The following DYNC2I2 variants were observed in gnomAD, a reference collection of about 807,000 sequenced individuals.
DYNC2I2 encodes the protein cytoplasmic dynein 2 intermediate chain 2.
In DYNC2I2, 39 loss-of-function variants were observed where a neutral mutation model predicts 52.0. The ratio of observed to expected loss-of-function variants is 0.75; its 90% CI spans 0.58 to 0.98. The LOEUF (loss-of-function observed/expected upper bound fraction) is 0.98. Ranked by LOEUF, DYNC2I2 falls within the 50% of genes least tolerant of loss-of-function variation. DYNC2I2 has a pLI of 0.00. For missense variants in DYNC2I2, 743 were observed against 728.4 expected, an observed-to-expected ratio of 1.02 and a Z score of -0.23; for synonymous variants, 359 against 321.1, an observed-to-expected ratio of 1.12 and a Z score of -1.26.
intron 1 of DYNC2I2, among the ~76,000 whole-genome samples, chr9:128,641,296 C>T (rs1000012576): frequency 6.6e-6 from 1 of 152,034 alleles, no homozygotes; most frequent in Admixed American, 6.6e-5. Flanking sequence ...AGAACCACAT[C>T]GGCTCACAGC....
In DYNC2I2 at chr9:128,640,798, C is replaced by CTGCG; in HGVS notation, c.324_327dup (p.Ala110ArgfsTer25). 6.2e-7 allele frequency: 1 copy of CTGCG among 1,614,216 alleles called. No individual in the cohort carries two copies. Among genetic ancestry groups the CTGCG allele is most frequent in the Non-Finnish European group, 8.5e-7 (1 of 1,180,042 alleles). On this transcript the variant is annotated frameshift_variant, in exon 2 of 9. Transcript: ENST00000372715. LOFTEE classifies it high-confidence loss of function. Reference sequence around the variant, plus strand: ...ATGGCCTCCACTCTCCGAAGAAAGGCTGCGAGCCTGGGTATGTCATACTGG... The same window carrying CTGCG: ...ATGGCCTCCACTCTCCGAAGAAAGGCTGCGTGCGAGCCTGGGTATGTCATACTGG...
chr9:128,650,013 T>A lies in DYNC2I2; in HGVS notation c.186+6528A>T, dbSNP rs1212417946. 3.2e-3 allele frequency among the ~76,000 whole-genome samples: 182 copies of A among 56,428 alleles called. 54 individuals carry two copies. The highest frequency in any genetic ancestry group is 5.6e-3 in the African/African-American group (160 of 28,512). The allele number at this position is 56,428 out of a possible 152,430, so 37.0% of individuals were successfully genotyped here. A position where few individuals can be genotyped will look rare whatever the true frequency, so the allele number is the denominator to read the frequency against. Reference sequence around the variant, plus strand: ...AAAATATAAATAAATAAATGAAAAATTTTTTAAAAAACTACTGGAAAGCAG... The same window carrying A: ...AAAATATAAATAAATAAATGAAAAAATTTTTAAAAAACTACTGGAAAGCAG... On this transcript the variant is annotated intron_variant, in intron 1 of 8. Transcript: ENST00000372715.
chr9:128,681,184 G>A, the DYNC2I2 span, among the ~76,000 whole-genome samples: 6 of 151,864 alleles, frequency 4.0e-5, no homozygotes, highest in East Asian at 1.9e-4. Context: ...TCAGCCTCCC[G>A]GGTTCAAGTG....
At chr9:128,679,790 T>G in the DYNC2I2 span, among the ~76,000 whole-genome samples, 9 of 151,696 alleles carry the variant, frequency 5.9e-5, no homozygotes, top group Admixed American at 5.9e-4. Context: ...AAGGCTGCAG[T>G]GAGCCATGAT....
chr9:128,653,680 C>T (rs1043561980), intron 1 of DYNC2I2, among the ~76,000 whole-genome samples: 4 of 150,370 alleles, frequency 2.7e-5, no homozygotes, highest in Non-Finnish European at 5.9e-5. Context: ...CACGCCATTG[C>T]ACTCCAGCCT....
intron 1 of DYNC2I2, among the ~76,000 whole-genome samples, chr9:128,645,896 AG>A (rs1206109354): frequency 1.2e-4 from 18 of 152,222 alleles, no homozygotes; most frequent in African/African-American, 4.3e-4. Flanking sequence ...TATTGCTGAT[AG>A]GGATAAAGTT....
At chr9:128,677,649 A>T in the DYNC2I2 span, among the ~76,000 whole-genome samples, 1 of 151,612 alleles carries the variant, frequency 6.6e-6, no homozygotes, top group African/African-American at 2.4e-5. Flanking sequence ...AAAAAAAAAA[A>T]TACAAAAATT....
chr9:128,676,885 A>G, the DYNC2I2 span, among the ~76,000 whole-genome samples: 2 of 138,454 alleles, frequency 1.4e-5, no homozygotes, highest in African/African-American at 2.7e-5. Context: ...GTCTCGCTCT[A>G]TTGCCCAGGC....
the DYNC2I2 span, among the ~76,000 whole-genome samples, chr9:128,676,360 G>A: frequency 2.6e-5 from 4 of 151,238 alleles, no homozygotes; most frequent in Non-Finnish European, 4.4e-5. Flanking sequence ...CATGATAGTG[G>A]GTACCTGTAA....
chr9:128,643,144 G>A (rs997179461), intron 1 of DYNC2I2, among the ~76,000 whole-genome samples: 1 of 152,218 alleles, frequency 6.6e-6, no homozygotes, highest in Non-Finnish European at 1.5e-5. Context: ...CAGCACTTTG[G>A]GAGGCTGAAG....
At chr9:128,657,517 A>G (rs1247673374), upstream of DYNC2I2, among the ~76,000 whole-genome samples, 1 of 152,106 alleles carries the variant, frequency 6.6e-6, no homozygotes, top group Non-Finnish European at 1.5e-5. Context: ...AGAATAAACA[A>G]ATAGGCCAGG....
At chr9:128,636,473 T>C (rs1860417652) in intron 3 of DYNC2I2, 35 bp from the exon 4 acceptor site, 1 of 1,568,364 alleles carries the variant, frequency 6.4e-7, no homozygotes, top group Non-Finnish European at 8.6e-7. Flanking sequence ...GCTGTGCCCC[T>C]GGGTGGGGCT....
At chr9:128,664,296 C>T in the DYNC2I2 span, among the ~76,000 whole-genome samples, 24 of 151,848 alleles carry the variant, frequency 1.6e-4, no homozygotes, top group Admixed American at 1.5e-3. Flanking sequence ...CTCCTCCCCA[C>T]GTCCTTGATG....
At chr9:128,680,605 C>G in the DYNC2I2 span, among the ~76,000 whole-genome samples, 2 of 150,000 alleles carry the variant, frequency 1.3e-5, no homozygotes, top group Non-Finnish European at 3.0e-5. Flanking sequence ...TCTCGATCTC[C>G]TGACCTCGTG....
intron 1 of DYNC2I2, among the ~76,000 whole-genome samples, chr9:128,654,961 C>T (rs1589437670): frequency 6.6e-6 from 1 of 151,996 alleles, no homozygotes; most frequent in African/African-American, 2.4e-5. Flanking sequence ...ATGTTACAGC[C>T]GTTGCCACTG....
upstream of DYNC2I2, among the ~76,000 whole-genome samples, chr9:128,659,421 GGA>G (rs1267659084): frequency 2.6e-5 from 4 of 151,574 alleles, no homozygotes; most frequent in Non-Finnish European, 3.0e-5. Context: ...CATGAACCTG[GGA>G]GGTGGAGCTT....
chr9:128,640,831 G>C lies in DYNC2I2; in HGVS notation c.295C>G (p.Pro99Ala), dbSNP rs754573882. Residue 99 changes from proline to alanine, a missense_variant, in exon 2 of 9, where the codon CCC (proline) becomes GCC (alanine). Physicochemically the swap from Pro to Ala is conservative, Grantham distance 27 (BLOSUM62 -1). Coordinates refer to ENST00000372715, the MANE Select transcript of DYNC2I2 (RefSeq NM_052844.4). ...CTGGGTATGTCATACTGGGACGGGG[G>C]CTGCACGCTGACAGGCACGGGGGCC... Reference protein sequence around the residue: ...TEAPVPVSVQPPSQYDIPRLA... With the variant: ...TEAPVPVSVQAPSQYDIPRLA... 20 of 1,613,838 alleles carry C rather than the reference G, an allele frequency of 1.2e-5. No individual in the cohort carries two copies. The highest frequency in any genetic ancestry group is 1.6e-5 in the Non-Finnish European group (19 of 1,179,964).
chr9:128,673,806 A>ATTT, the DYNC2I2 span, among the ~76,000 whole-genome samples: 18 of 115,708 alleles, frequency 1.6e-4, no homozygotes, highest in African/African-American at 6.2e-4. Context: ...GCACCCAGCT[A>ATTT]TTTTTTTTTT....
rs781373654 is a variant in DYNC2I2 at position 128,640,899 on chromosome 9, G to A, written c.227C>T (p.Ser76Phe). Reference sequence around the variant, plus strand: ...GTCCACATGATTCCTGGCCTGGGCGGATGCACTGGCAGTGGCAATGCTGGC... The same window carrying A: ...GTCCACATGATTCCTGGCCTGGGCGAATGCACTGGCAGTGGCAATGCTGGC... ...QTASIATASA[S>F]AQARNHVDAQ... is the part of the protein sequence containing the mutation. The change falls in exon 2 of 9, where the codon TCC (serine) becomes TTC (phenylalanine). Residue 76 changes from serine to phenylalanine, a missense_variant. Ser to Phe is a radical substitution (Grantham distance 155, BLOSUM62 -2). Coordinates refer to ENST00000372715, the MANE Select transcript of DYNC2I2 (RefSeq NM_052844.4). 8.1e-6 allele frequency: 13 copies of A among 1,607,680 alleles called. No individual in the cohort carries two copies. Among genetic ancestry groups the A allele is most frequent in the Admixed American group, 1.7e-5 (1 of 59,190 alleles).
Sources: gnomAD v4.1 joint callset for allele counts (sites outside exome capture counted in the v4.1 genomes callset) on GRCh38, gnomAD v4.1.1 for gene constraint, MANE v1.5 for transcripts, NCBI Gene and HGNC (gene_info 2026-07-23, HGNC 2026-07-21) for gene names.